RALGPS1: variants seen among roughly 807,000 people sequenced by gnomAD.
The protein encoded by RALGPS1 is Ral GEF with PH domain and SH3 binding motif 1.
A neutral mutation model predicts 78.8 loss-of-function variants in RALGPS1; 19 were observed. The ratio of observed to expected loss-of-function variants is 0.24; its 90% CI spans 0.17 to 0.35. RALGPS1 has a LOEUF of 0.35. Among genes scored for constraint, RALGPS1 ranks in the 10% least tolerant of loss-of-function variants. The probability of loss-of-function intolerance (pLI) is 1.00; values close to 1 mark genes in which losing one functional copy is unlikely to be tolerated. For missense variants in RALGPS1, 454 were observed against 688.3 expected (o/e 0.66, Z 3.81); for synonymous variants, 228 against 256.3 (o/e 0.89, Z 1.06).
At chr9:126,943,945 C>T (rs921753621) in intron 1 of RALGPS1, among the ~76,000 whole-genome samples, 17 of 152,234 alleles carry the variant, frequency 1.1e-4, no homozygotes, top group Admixed American at 1.1e-3. Flanking sequence ...TGAGGTACCT[C>T]ATCGCAGAAG....
Position 127,091,563 on chromosome 9 carries a change from T to C in RALGPS1, c.610+22207T>C, listed in dbSNP as rs2052476538. The C allele has an allele frequency of 5.5e-6, 8 of 1,464,774 alleles. No homozygotes were observed. Among genetic ancestry groups the C allele is most frequent in the Admixed American group, 4.1e-5 (2 of 48,884 alleles). The allele number at this position is 1,464,774 out of a possible 1,614,324, so 90.7% of individuals were successfully genotyped here. ...GGGTCAGGCAGCTTGGCCCAGCTGCTTCTCACCCTGGGATCTTCCCGTTTC... is the reference window on the plus strand; with the variant it reads ...GGGTCAGGCAGCTTGGCCCAGCTGCCTCTCACCCTGGGATCTTCCCGTTTC... On this transcript the variant is annotated intron_variant, in intron 8 of 18. Coordinates refer to ENST00000259351, the MANE Select transcript of RALGPS1 (RefSeq NM_014636.3). This position sits in a 1 kb window ranked among gnomAD's most constrained non-coding sequence, Gnocchi z 4.3.
intron 5 of RALGPS1, among the ~76,000 whole-genome samples, chr9:127,046,672 C>CAAAAAAA (rs71377987): frequency 2.5e-5 from 1 of 40,458 alleles, no homozygotes; most frequent in African/African-American, 8.7e-5. Context: ...CCCATCCATA[C>CAAAAAAA]AAAAAAAAAA....
chr9:127,017,332 A>G (rs1255187090), intron 4 of RALGPS1, among the ~76,000 whole-genome samples: 1 of 152,256 alleles, frequency 6.6e-6, no homozygotes, highest in Non-Finnish European at 1.5e-5. Context: ...AGTGTAATAT[A>G]GTAGTAAGTA....
chr9:127,173,080 T>C (rs1223603453), intron 10 of RALGPS1, among the ~76,000 whole-genome samples: 1 of 152,238 alleles, frequency 6.6e-6, no homozygotes, highest in Non-Finnish European at 1.5e-5. Flanking sequence ...CTTTCTCCTC[T>C]TCTGTAGCCT....
chr9:126,918,405 C>T lies in RALGPS1; in HGVS notation c.-66+3430C>T, dbSNP rs935097994. 1.4e-4 allele frequency among the ~76,000 whole-genome samples: 22 copies of T among 152,260 alleles called. No homozygotes were observed. The South Asian group carries it at 1.9e-3, about 13-fold the overall frequency. On this transcript the variant is annotated intron_variant, in intron 1 of 18. Coordinates refer to ENST00000259351, the MANE Select transcript of RALGPS1 (RefSeq NM_014636.3). Reference sequence around the variant, plus strand: ...AGATTGGAGTGCAGTGGCACAGTCACGGCTCACTGCAGCCTTGACCTCCCA... The same window carrying T: ...AGATTGGAGTGCAGTGGCACAGTCATGGCTCACTGCAGCCTTGACCTCCCA...
chr9:127,101,989 A>T (rs1414299493), intron 8 of RALGPS1, among the ~76,000 whole-genome samples: 1 of 152,150 alleles, frequency 6.6e-6, no homozygotes, highest in South Asian at 2.1e-4. Flanking sequence ...GATGAGGACC[A>T]TCAGGCTTAT....
rs150793286 is a variant in RALGPS1, at chr9:127,062,401, G to C, written c.484-6829G>C. ...GTGTGAGCTGCCGCGCCCGGCCAAG[G>C]ATGATTTTTTAAAAAGATAAAATCA... On this transcript the variant is annotated intron_variant, in intron 7 of 18. Transcript: ENST00000259351. Among the ~76,000 whole-genome samples, 481 of 152,254 alleles carry C rather than the reference G, an allele frequency of 3.2e-3. 7 individuals carry two copies. The highest frequency in any genetic ancestry group is 0.011 in the African/African-American group (466 of 41,536).
intron 8 of RALGPS1, among the ~76,000 whole-genome samples, chr9:127,084,528 T>C (rs2051500664): frequency 6.6e-6 from 1 of 152,206 alleles, no homozygotes; most frequent in African/African-American, 2.4e-5. Flanking sequence ...CTCTTCCCAC[T>C]GCTCTTTGTG....
chr9:126,994,717 A>G (rs926288642), intron 4 of RALGPS1, among the ~76,000 whole-genome samples: 4 of 152,146 alleles, frequency 2.6e-5, no homozygotes, highest in African/African-American at 9.7e-5. Context: ...CAACTCCAAG[A>G]CACATAATTG....
At chr9:127,155,181 T>C (rs943024731) in intron 8 of RALGPS1, among the ~76,000 whole-genome samples, 1 of 152,090 alleles carries the variant, frequency 6.6e-6, no homozygotes, top group African/African-American at 2.4e-5. Context: ...AGAGGCCAGG[T>C]TGAAGGGAGT....
chr9:127,140,996 G>T (rs139840093), intron 8 of RALGPS1, among the ~76,000 whole-genome samples: 5 of 152,216 alleles, frequency 3.3e-5, no homozygotes, highest in African/African-American at 1.2e-4. Flanking sequence ...GGAGTTGGGG[G>T]TAGGCAGCTG....
At chr9:126,982,684 T>G (rs2041360712) in intron 4 of RALGPS1, among the ~76,000 whole-genome samples, 1 of 152,080 alleles carries the variant, frequency 6.6e-6, no homozygotes, top group Non-Finnish European at 1.5e-5. Flanking sequence ...ATACATGCCT[T>G]CCTGCCTCAG....
chr9:126,951,797 A>G (rs2037847101), intron 1 of RALGPS1, among the ~76,000 whole-genome samples: 1 of 152,226 alleles, frequency 6.6e-6, no homozygotes, highest in African/African-American at 2.4e-5. Context: ...CCTATTCAAC[A>G]TAGTGTTGGA....
intron 1 of RALGPS1, among the ~76,000 whole-genome samples, chr9:126,943,422 C>T (rs573389096): frequency 2.0e-5 from 3 of 152,318 alleles, no homozygotes; most frequent in African/African-American, 7.2e-5. Flanking sequence ...GGATTACAGG[C>T]GTGAACCACC....
rs141262237 is a variant in RALGPS1 at position 127,107,927 on chromosome 9, C to T, written c.610+38571C>T. 3.0e-5 allele frequency: 46 copies of T among 1,531,834 alleles called. 1 individual carries two copies. The African/African-American group carries it at 5.4e-4, about 18-fold the overall frequency. 94.9% of individuals were successfully genotyped at this position (1,531,834 alleles called of 1,614,324 possible). The stretch of plus-strand genomic sequence containing the variant: ...CAGAAGCACTTACCCGACGGCTTGT[C>T]GGTGGAAGATGGGAGGCTGGTGAGA... On this transcript the variant is annotated intron_variant, in intron 8 of 18. Coordinates refer to ENST00000259351, the MANE Select transcript of RALGPS1 (RefSeq NM_014636.3).
intron 7 of RALGPS1, among the ~76,000 whole-genome samples, chr9:127,062,266 T>A (rs1336518124): frequency 1.3e-5 from 2 of 151,992 alleles, no homozygotes; most frequent in Non-Finnish European, 1.5e-5. Context: ...CCCGGCTAAT[T>A]TTTTGTATTT....
At chr9:126,946,494 A>G (rs1272034838) in intron 1 of RALGPS1, among the ~76,000 whole-genome samples, 2 of 141,748 alleles carry the variant, frequency 1.4e-5, no homozygotes, top group African/African-American at 5.1e-5. Flanking sequence ...AGGTTGCGCC[A>G]CTGCACTCCA....
At chr9:127,083,120 C>T (rs530169415) in intron 8 of RALGPS1, among the ~76,000 whole-genome samples, 34 of 152,296 alleles carry the variant, frequency 2.2e-4, no homozygotes, top group African/African-American at 8.2e-4. Context: ...GGACCAATAA[C>T]ATCTGGAGTG....
intron 8 of RALGPS1, among the ~76,000 whole-genome samples, chr9:127,156,032 T>C (rs898763284): frequency 6.6e-6 from 1 of 152,296 alleles, no homozygotes; most frequent in Admixed American, 6.5e-5. Context: ...GATTGAGCAG[T>C]GTATTCTCTG....
Sources: gnomAD v4.1 joint callset for allele counts (sites outside exome capture counted in the v4.1 genomes callset) on GRCh38, gnomAD v4.1.1 for gene constraint, Gnocchi (gnomAD v3.1) non-coding constraint, MANE v1.5 for transcripts, NCBI Gene and HGNC (gene_info 2026-07-23, HGNC 2026-07-21) for gene names.